Variants in ADGRE1 observed in about 807,000 individuals in gnomAD.
ADGRE1 encodes the protein EGF-like module receptor 1.
In ADGRE1, 82 loss-of-function variants were observed where a neutral mutation model predicts 102.7. That is an observed-to-expected ratio of 0.80 (90% CI 0.67 to 0.96). The LOEUF (loss-of-function observed/expected upper bound fraction) is 0.96, where lower values mean the gene tolerates loss of function less well. ADGRE1 is among the 40% of genes least tolerant of loss of function. The pLI is 0.00. For missense variants in ADGRE1, 1,032 were observed against 1,085.3 expected (o/e 0.95, Z 0.69); for synonymous variants, 398 against 399.6 (o/e 1.00, Z 0.05).
chr19:6,937,807 A>G (rs981866373), intron 20 of ADGRE1, among the ~76,000 whole-genome samples, 159 bp downstream of exon 20: 7 of 152,094 alleles, frequency 4.6e-5, no homozygotes, highest in African/African-American at 1.4e-4. Context: ...GGGGATTTAT[A>G]TGTATATATT....
intron 14 of ADGRE1, 129 bp from the exon 15 acceptor site, chr19:6,924,549 C>T (rs1974803371): frequency 1.4e-6 from 1 of 716,690 alleles, no homozygotes; most frequent in Non-Finnish European, 2.3e-6. Flanking sequence ...CTAGTTCACT[C>T]TGAGTGTTAG....
chr19:6,924,619 C>A, intron 14 of ADGRE1, 59 bp from the exon 15 acceptor site: 1 of 1,519,888 alleles, frequency 6.6e-7, no homozygotes. Context: ...AACTCTTCTT[C>A]CCGCCTGGGG....
intron 3 of ADGRE1, 29 bp from the exon 4 acceptor site, chr19:6,897,120 T>C (rs959929771): frequency 4.0e-6 from 6 of 1,518,488 alleles, no homozygotes; most frequent in Non-Finnish European, 5.4e-6. Flanking sequence ...CTAGTATAAG[T>C]AAATTTGTAA....
intron 6 of ADGRE1, among the ~76,000 whole-genome samples, chr19:6,903,220 G>A (rs182462794): frequency 6.6e-6 from 1 of 152,242 alleles, no homozygotes; most frequent in East Asian, 1.9e-4. Context: ...CCATAGAAAG[G>A]GGCAGTAACT....
intron 14 of ADGRE1, among the ~76,000 whole-genome samples, chr19:6,923,160 C>T (rs906631261): frequency 3.9e-5 from 6 of 152,124 alleles, no homozygotes; most frequent in East Asian, 3.9e-4. Context: ...AGTGCCATTT[C>T]GAGGACCCTG....
chr19:6,898,463 G>T, intron 5 of ADGRE1: 1 of 1,592,180 alleles, frequency 6.3e-7, no homozygotes, highest in Non-Finnish European at 8.6e-7. Flanking sequence ...TCCTGTACTG[G>T]TGATGCCCTC....
rs1010194984 is a variant in ADGRE1, at chr19:6,919,847, C to G, written c.1620+100C>G. On this transcript the variant is annotated intron_variant, in intron 13 of 20. Transcript: ENST00000312053. ...CATTTTTTACGGGAAGCTATTGAGGCCGGTAAGCTTCCACAATTTCCAGCA... is the reference window on the plus strand; with the variant it reads ...CATTTTTTACGGGAAGCTATTGAGGGCGGTAAGCTTCCACAATTTCCAGCA... 5.2e-5 allele frequency: 62 copies of G among 1,195,004 alleles called. 1 individual carries two copies. Among genetic ancestry groups the G allele is most frequent in the Non-Finnish European group, 8.3e-6 (7 of 840,930 alleles). 74.0% of individuals were successfully genotyped at this position (1,195,004 alleles called of 1,614,324 possible). A position where few individuals can be genotyped will look rare whatever the true frequency, so the allele number is the denominator to read the frequency against.
At chr19:6,924,895 C>T (rs762573644) in intron 15 of ADGRE1, 23 bp downstream of exon 15, 1 of 1,608,678 alleles carries the variant, frequency 6.2e-7, no homozygotes, top group Non-Finnish European at 8.5e-7. Flanking sequence ...CGGGCTGTGT[C>T]CCCACCAAGC....
At chr19:6,938,773 TTTTCTTTC>T (rs139519526) in intron 20 of ADGRE1, among the ~76,000 whole-genome samples, 5 of 145,678 alleles carry the variant, frequency 3.4e-5, no homozygotes, top group South Asian at 2.1e-4. Flanking sequence ...CTATTTTCTT[TTTTCTTTC>T]TTTCTTTCTT....
At chr19:6,928,117 C>A (rs778538976) in intron 16 of ADGRE1, 28 bp from the exon 17 acceptor site, 2 of 1,607,400 alleles carry the variant, frequency 1.2e-6, no homozygotes, top group South Asian at 1.1e-5. Context: ...CTGAGACAAG[C>A]GCTGACTCCT....
chr19:6,916,021 A>G (rs7257726), intron 11 of ADGRE1, among the ~76,000 whole-genome samples: 34,782 of 150,930 alleles, frequency 0.23, 4,050 homozygotes, highest in Middle Eastern at 0.3. Flanking sequence ...TGCACCCCCT[A>G]GGAGATGAGA....
At chr19:6,897,643 A>T in intron 5 of ADGRE1, 96 bp downstream of exon 5, 1 of 1,334,142 alleles carries the variant, frequency 7.5e-7, no homozygotes, top group Admixed American at 2.8e-5. Context: ...TCATGTAGGG[A>T]TAAGAAAATT....
At position 6,903,822 on chromosome 19, in the gene ADGRE1, G is replaced by T. The variant is rs1973853012; in HGVS notation, c.674G>T (p.Cys225Phe). 3 of 1,613,916 alleles carry T rather than the reference G, an allele frequency of 1.9e-6. No individual in the cohort carries two copies. Among genetic ancestry groups the T allele is most frequent in the Middle Eastern group, 1.6e-4 (1 of 6,080 alleles). ...LKASCEDIDE[C>F]TEMCPINSTC... ...CTGTACCCCACAGATATTGATGAAT[G>T]CACTGAAATGTGCCCCATCAATTCA... Residue 225 changes from cysteine (C) to phenylalanine (F), a missense_variant, in exon 7 of 21, where the codon TGC (cysteine) becomes TTC (phenylalanine). By Grantham distance (205) the Cys-to-Phe change is radical (BLOSUM62 -2). Coordinates refer to ENST00000312053, the MANE Select transcript of ADGRE1 (RefSeq NM_001974.5).
chr19:6,904,320 A>G (rs1973872548), intron 8 of ADGRE1, 138 bp downstream of exon 8: 4 of 1,158,766 alleles, frequency 3.5e-6, no homozygotes, highest in African/African-American at 1.6e-5. Flanking sequence ...TTCTTCATCC[A>G]TTTACTCTTT....
intron 20 of ADGRE1, among the ~76,000 whole-genome samples, chr19:6,938,728 C>A (rs1222241902): frequency 2.0e-5 from 3 of 151,350 alleles, no homozygotes; most frequent in African/African-American, 7.3e-5. Context: ...CAGTGTTAAG[C>A]CTTGCAGAAG....
chr19:6,934,600 A>ATTT (rs71177133), intron 17 of ADGRE1, among the ~76,000 whole-genome samples: 2 of 84,050 alleles, frequency 2.4e-5, no homozygotes, highest in Non-Finnish European at 5.3e-5. Flanking sequence ...TAATTTTTGT[A>ATTT]TTTTTTTTTT....
At chr19:6,896,259 G>A in intron 2 of ADGRE1, 139 bp from the exon 3 acceptor site, 1 of 781,558 alleles carries the variant, frequency 1.3e-6, no homozygotes, top group Non-Finnish European at 2.1e-6. Context: ...AGGTACCAGG[G>A]TTTAGGACTG....
intron 15 of ADGRE1, among the ~76,000 whole-genome samples, chr19:6,926,165 C>T (rs1240306631): frequency 6.6e-6 from 1 of 152,210 alleles, no homozygotes; most frequent in Non-Finnish European, 1.5e-5. Context: ...TAGGTCCAGA[C>T]AAACCAGGAC....
At chr19:6,899,310 A>T (rs1973683970) in intron 5 of ADGRE1, among the ~76,000 whole-genome samples, 1 of 152,150 alleles carries the variant, frequency 6.6e-6, no homozygotes, top group African/African-American at 2.4e-5. Flanking sequence ...GCTGCTAAAC[A>T]TCCTATAATG....
Sources: gnomAD v4.1 joint callset for allele counts (sites outside exome capture counted in the v4.1 genomes callset) on GRCh38, gnomAD v4.1.1 for gene constraint, MANE v1.5 for transcripts, NCBI Gene and HGNC (gene_info 2026-07-23, HGNC 2026-07-21) for gene names.